The following RNF39 variants were observed in gnomAD, a reference collection of about 807,000 sequenced individuals.
The protein encoded by RNF39 is ring finger protein 39.
A neutral mutation model predicts 29.2 loss-of-function variants in RNF39; 25 were observed. The observed-to-expected ratio is 0.86, with a 90% CI of 0.62 to 1.20. RNF39 has a LOEUF of 1.20. RNF39 is among the 50% of genes most tolerant of loss of function. RNF39 has a pLI of 0.00. For synonymous variants in RNF39, 219 were observed against 229.0 expected (o/e 0.96, Z 0.40); for missense variants, 519 against 515.0 (o/e 1.01, Z -0.08).
At chr6:30,075,118 T>G in intron 1 of RNF39, 105 bp downstream of exon 1, 1 of 1,226,538 alleles carries the variant, frequency 8.2e-7, no homozygotes, top group Middle Eastern at 2.8e-4. Context: ...ACCCCATCCT[T>G]TGCCTAAACT....
In RNF39 at chr6:30,071,106, G is replaced by A; in HGVS notation, c.*5C>T. The A allele has an allele frequency of 2.6e-6, 4 of 1,554,388 alleles. No individual in the cohort carries two copies. The highest frequency in any genetic ancestry group is 3.5e-6 in the Non-Finnish European group (4 of 1,149,080). On this transcript the variant is annotated 3_prime_UTR_variant, in exon 4 of 4. Coordinates refer to ENST00000244360, the MANE Select transcript of RNF39 (RefSeq NM_025236.4). The surrounding 1 kb of genome is among the most constrained non-coding windows in gnomAD (Gnocchi z 5.0). Reference sequence around the variant, plus strand: ...CCGGGCCAAACTTCTAGTTGGAGACGAGACTCAGCTTTCCGCTGGTACAAT... The same window carrying A: ...CCGGGCCAAACTTCTAGTTGGAGACAAGACTCAGCTTTCCGCTGGTACAAT...
Position 30,070,667 on chromosome 6 carries a change from G to A in RNF39, c.*444C>T. On this transcript the variant is annotated 3_prime_UTR_variant, in exon 4 of 4. Coordinates refer to ENST00000244360, the MANE Select transcript of RNF39 (RefSeq NM_025236.4). ...GTTTTAGGAGAAACCTCAGTGGACA[G>A]GCAGGGTAGCCCAGTCCTTAGATCT... is the stretch of plus-strand genomic sequence containing the variant. 2.7e-6 allele frequency: 1 copy of A among 370,912 alleles called. No homozygotes were observed. Among genetic ancestry groups the A allele is most frequent in the Non-Finnish European group, 5.3e-6 (1 of 189,376 alleles). 23.0% of individuals were successfully genotyped at this position (370,912 alleles called of 1,614,324 possible).
rs372528926 is a variant in RNF39, at chr6:30,075,685, C to A, written c.-100G>T. ...CCCTGCTGCTTGCTGTGTAGATGCCCTTCTCTCCGACTCCCGCATTAACTT... is the reference window on the plus strand; with the variant it reads ...CCCTGCTGCTTGCTGTGTAGATGCCATTCTCTCCGACTCCCGCATTAACTT... On this transcript the variant is annotated 5_prime_UTR_variant, in exon 1 of 4. The change creates a new upstream start codon in the 5' untranslated region. Coordinates refer to ENST00000244360, the MANE Select transcript of RNF39 (RefSeq NM_025236.4). 3.7e-6 allele frequency: 6 copies of A among 1,613,692 alleles called. No homozygotes were observed. Among genetic ancestry groups the A allele is most frequent in the Non-Finnish European group, 4.2e-6 (5 of 1,179,912 alleles).
In RNF39 at chr6:30,070,931, G is replaced by A. The variant is rs139752607; in HGVS notation, c.*180C>T. 1.8e-5 allele frequency: 13 copies of A among 716,890 alleles called. No individual in the cohort carries two copies. Among genetic ancestry groups the A allele is most frequent in the African/African-American group, 5.2e-5 (3 of 57,564 alleles). 44.4% of individuals were successfully genotyped at this position (716,890 alleles called of 1,614,324 possible). On this transcript the variant is annotated 3_prime_UTR_variant, in exon 4 of 4. Coordinates refer to ENST00000244360, the MANE Select transcript of RNF39 (RefSeq NM_025236.4). ...GCAGGAATGGATTTGGTTTTGAGCA[G>A]GGACGTGGAAACGTGGAGACCAGGT... is the stretch of plus-strand genomic sequence containing the variant.
intron 2 of RNF39, 35 bp from the exon 3 acceptor site, chr6:30,073,283 C>A: frequency 6.5e-7 from 1 of 1,528,664 alleles, no homozygotes. Context: ...GGAAATCAGC[C>A]CTCTGATCCT....
chr6:30,075,193 A>G, intron 1 of RNF39, 30 bp downstream of exon 1: 1 of 1,544,558 alleles, frequency 6.5e-7, no homozygotes, highest in Non-Finnish European at 8.7e-7. Context: ...CGCTTCCACC[A>G]ACAACTCCGC....
chr6:30,070,519 G>A lies in RNF39; in HGVS notation c.*592C>T, dbSNP rs1382721481. 5 of 255,274 alleles carry A rather than the reference G, an allele frequency of 2.0e-5. No homozygotes were observed. The highest frequency in any genetic ancestry group is 4.8e-5 in the South Asian group (1 of 20,992). The allele number at this position is 255,274 out of a possible 1,614,324, so 15.8% of individuals were successfully genotyped here. A position where few individuals can be genotyped will look rare whatever the true frequency, so the allele number is the denominator to read the frequency against. Reference sequence around the variant, plus strand: ...AAGGTTCTTATGGAAAAAAGGCTGTGAGCATAGAAAGCAGTCATAGGAGGT... The same window carrying A: ...AAGGTTCTTATGGAAAAAAGGCTGTAAGCATAGAAAGCAGTCATAGGAGGT... On this transcript the variant is annotated 3_prime_UTR_variant, in exon 4 of 4. Coordinates refer to ENST00000244360, the MANE Select transcript of RNF39 (RefSeq NM_025236.4).
rs750219698 is a variant in RNF39 at position 30,075,230 on chromosome 6, G to C, written c.356C>G (p.Pro119Arg). The C allele has an allele frequency of 1.3e-6, 2 of 1,590,264 alleles. No homozygotes were observed. ...RIPTMGCLDL[P>R]GEDMRKTWRR... Reference sequence around the variant, plus strand: ...ACGCGCGCCCAGCCTCACCTCTCCGGGCAGGTCCAGGCAGCCCATGGTGGG... The same window carrying C: ...ACGCGCGCCCAGCCTCACCTCTCCGCGCAGGTCCAGGCAGCCCATGGTGGG... The change falls in exon 1 of 4, where the codon CCC becomes CGC. Residue 119 changes from proline (P) to arginine (R), a missense_variant. Pro to Arg is a moderately radical substitution (Grantham distance 103, BLOSUM62 -2). Coordinates refer to ENST00000244360, the MANE Select transcript of RNF39 (RefSeq NM_025236.4).
In RNF39 at chr6:30,070,917, T is replaced by C. The variant is rs909627456; in HGVS notation, c.*194A>G. 5.7e-6 allele frequency: 4 copies of C among 705,852 alleles called. No homozygotes were observed. Among genetic ancestry groups the C allele is most frequent in the Admixed American group, 4.0e-5 (2 of 49,980 alleles). The allele number at this position is 705,852 out of a possible 1,614,324, so 43.7% of individuals were successfully genotyped here. ...CTGAGAGCCAGAAGGCAGGAATGGA[T>C]TTGGTTTTGAGCAGGGACGTGGAAA... On this transcript the variant is annotated 3_prime_UTR_variant, in exon 4 of 4. Transcript: ENST00000244360.
chr6:30,071,804 C>A lies in RNF39; in HGVS notation c.479-113G>T, dbSNP rs1016683104. On this transcript the variant is annotated intron_variant, in intron 3 of 3. Transcript: ENST00000244360. This position sits in a 1 kb window ranked among gnomAD's most constrained non-coding sequence, Gnocchi z 5.0. The stretch of plus-strand genomic sequence containing the variant: ...ACGTAAAAGACTGAGAGCTAGTGAC[C>A]ACACAACAGCTCAAAAGGCGACTGC... The A allele has an allele frequency of 1.2e-5, 11 of 922,532 alleles. No homozygotes were observed. The highest frequency in any genetic ancestry group is 1.4e-5 in the Non-Finnish European group (9 of 661,758). 57.1% of individuals were successfully genotyped at this position (922,532 alleles called of 1,614,324 possible). A position where few individuals can be genotyped will look rare whatever the true frequency, so the allele number is the denominator to read the frequency against.
In RNF39 at chr6:30,071,712, A is replaced by C; in HGVS notation, c.479-21T>G. On this transcript the variant is annotated intron_variant, in intron 3 of 3. Coordinates refer to ENST00000244360, the MANE Select transcript of RNF39 (RefSeq NM_025236.4). The surrounding 1 kb of genome is among the most constrained non-coding windows in gnomAD (Gnocchi z 5.0). ...GTCGGCTGGAGACGGGGAGGCAGGGAGAGGACCTCATGAGAGAGTTTTCTA... is the reference window on the plus strand; with the variant it reads ...GTCGGCTGGAGACGGGGAGGCAGGGCGAGGACCTCATGAGAGAGTTTTCTA... The C allele has an allele frequency of 7.2e-7, 1 of 1,396,142 alleles. No homozygotes were observed. The highest frequency in any genetic ancestry group is 9.3e-7 in the Non-Finnish European group (1 of 1,080,120). 86.5% of individuals were successfully genotyped at this position (1,396,142 alleles called of 1,614,324 possible).
chr6:30,073,561 G>C, intron 1 of RNF39, 83 bp from the exon 2 acceptor site: 1 of 1,509,204 alleles, frequency 6.6e-7, no homozygotes, highest in Non-Finnish European at 9.1e-7. Flanking sequence ...CCCTCCTCAG[G>C]TGAGTTCTGT....
Position 30,075,499 on chromosome 6 carries a change from G to A in RNF39, c.87C>T (p.Asp29=), listed in dbSNP as rs749818879. The change falls in exon 1 of 4, where the codon GAC becomes GAT. Residue 29 remains aspartate (D), a synonymous_variant. Transcript: ENST00000244360. ...TCPLCGGSFE[D]PVLLACEHSF... ...TGTGCTCGCACGCCAGAAGCACCGG[G>A]TCCTCGAAGGAGCCCCCGCACAGAG... 1.4e-5 allele frequency: 22 copies of A among 1,562,224 alleles called. 1 individual carries two copies. In the South Asian group the frequency reaches 2.6e-4, roughly 18 times the overall value.
In RNF39 at chr6:30,075,556, C is replaced by G. The variant is rs763542278; in HGVS notation, c.30G>C (p.Leu10=). The change falls in exon 1 of 4, where the codon CTG becomes CTC. Residue 10 remains leucine (L), a synonymous_variant. Coordinates refer to ENST00000244360, the MANE Select transcript of RNF39 (RefSeq NM_025236.4). MDAPELGPG[L]VERLEQLATC... is the part of the protein sequence containing the mutation. ...TCGCCAGCTGCTCCAGACGCTCCAC[C>G]AGCCCCGGGCCCAGCTCGGGCGCAT... 3.1e-6 allele frequency: 5 copies of G among 1,602,578 alleles called. No individual in the cohort carries two copies. The highest frequency in any genetic ancestry group is 3.4e-6 in the Non-Finnish European group (4 of 1,176,950).
Position 30,070,675 on chromosome 6 carries a change from A to AAG in RNF39, c.*435_*436insCT. On this transcript the variant is annotated 3_prime_UTR_variant, in exon 4 of 4. Transcript: ENST00000244360. ...AGAAACCTCAGTGGACAGGCAGGGTAGCCCAGTCCTTAGATCTGTGGGGAA... is the reference window on the plus strand; with the variant it reads ...AGAAACCTCAGTGGACAGGCAGGGTAAGGCCCAGTCCTTAGATCTGTGGGGAA... The AAG allele has an allele frequency of 5.3e-6, 2 of 378,916 alleles. No individual in the cohort carries two copies. Among genetic ancestry groups the AAG allele is most frequent in the South Asian group, 4.0e-5 (2 of 49,748 alleles). 23.5% of individuals were successfully genotyped at this position (378,916 alleles called of 1,614,324 possible). A position where few individuals can be genotyped will look rare whatever the true frequency, so the allele number is the denominator to read the frequency against.
At position 30,071,217 on chromosome 6, in the gene RNF39, AGGTC is replaced by A; in HGVS notation, c.949_952del (p.Asp317CysfsTer84). ...GCCAGGCGCCTGGAAGGCGTAAAGC[AGGTC>A]GAGTGAGCGGCCGTCGTAGAAGGCC... On this transcript the variant is annotated frameshift_variant, in exon 4 of 4. Transcript: ENST00000244360. LOFTEE classifies it high-confidence loss of function. The surrounding 1 kb of genome is among the most constrained non-coding windows in gnomAD (Gnocchi z 5.0). The A allele has an allele frequency of 6.6e-7, 1 of 1,513,770 alleles. No homozygotes were observed. The highest frequency in any genetic ancestry group is 8.8e-7 in the Non-Finnish European group (1 of 1,134,564). 93.8% of individuals were successfully genotyped at this position (1,513,770 alleles called of 1,614,324 possible).
Position 30,075,472 on chromosome 6 carries a change from G to A in RNF39, c.114C>T (p.Ser38=). 1 of 1,551,744 alleles carries A rather than the reference G, an allele frequency of 6.4e-7. No homozygotes were observed. Among genetic ancestry groups the A allele is most frequent in the African/African-American group, 1.4e-5 (1 of 73,484 alleles). ...EDPVLLACEH[S]FCRACLARRW... ...GGCGGGCCAGACACGCGCGGCAGAAGCTGTGCTCGCACGCCAGAAGCACCG... is the reference window on the plus strand; with the variant it reads ...GGCGGGCCAGACACGCGCGGCAGAAACTGTGCTCGCACGCCAGAAGCACCG... Residue 38 remains serine, a synonymous_variant, in exon 1 of 4, where the codon AGC becomes AGT. Coordinates refer to ENST00000244360, the MANE Select transcript of RNF39 (RefSeq NM_025236.4).
In RNF39 at chr6:30,071,257, G is replaced by A. The variant is rs139005614; in HGVS notation, c.913C>T (p.Arg305Trp). 6 of 1,511,726 alleles carry A rather than the reference G, an allele frequency of 4.0e-6. No homozygotes were observed. Among genetic ancestry groups the A allele is most frequent in the Admixed American group, 2.3e-5 (1 of 43,574 alleles). The allele number at this position is 1,511,726 out of a possible 1,614,324, so 93.6% of individuals were successfully genotyped here. Residue 305 changes from arginine (R) to tryptophan (W), a missense_variant, in exon 4 of 4, where the codon CGG becomes TGG. Coordinates refer to ENST00000244360, the MANE Select transcript of RNF39 (RefSeq NM_025236.4). This position sits in a 1 kb window ranked among gnomAD's most constrained non-coding sequence, Gnocchi z 5.0. ...CCGTCGTAGAAGGCCACGCGGCCCC[G>A]CTCCCAGTCCAGGTCCACGCGAATG... is the stretch of plus-strand genomic sequence containing the variant. Reference protein sequence around the residue: ...RRIRVDLDWERGRVAFYDGRS... With the variant: ...RRIRVDLDWEWGRVAFYDGRS...
Position 30,072,836 on chromosome 6 carries a change from T to C in RNF39, c.478+321A>G, listed in dbSNP as rs1317718804. On this transcript the variant is annotated intron_variant, in intron 3 of 3. Coordinates refer to ENST00000244360, the MANE Select transcript of RNF39 (RefSeq NM_025236.4). This position sits in a 1 kb window ranked among gnomAD's most constrained non-coding sequence, Gnocchi z 4.5. ...AAATTTGGACACAGAGACAAATGCA[T>C]ACAAAAGAAAATGTGCAGACCTATC... Among the ~76,000 whole-genome samples, 1 of 152,118 alleles carries C rather than the reference T, an allele frequency of 6.6e-6. No homozygotes were observed. The highest frequency in any genetic ancestry group is 2.4e-5 in the African/African-American group (1 of 41,404).
Sources: allele counts gnomAD v4.1 joint callset (sites outside exome capture counted in the v4.1 genomes callset), GRCh38; gene constraint gnomAD v4.1.1; non-coding constraint Gnocchi (gnomAD v3.1); transcripts MANE v1.5; gene names NCBI Gene and HGNC (gene_info 2026-07-23, HGNC 2026-07-21).